The following TNIP3 variants were observed in gnomAD, a reference collection of about 807,000 sequenced individuals.
TNIP3 encodes TNFAIP3-interacting protein 3.
TNIP3 carries 34 observed loss-of-function variants against 54.1 expected under a neutral mutation model. The observed-to-expected ratio is 0.63, with a 90% CI of 0.48 to 0.84. The LOEUF (loss-of-function observed/expected upper bound fraction) is 0.84, where lower values mean the gene tolerates loss of function less well. TNIP3 is among the 40% of genes least tolerant of loss of function. The probability of loss-of-function intolerance (pLI) is 0.00; values close to 1 mark genes in which losing one functional copy is unlikely to be tolerated. For missense variants in TNIP3, 366 were observed against 387.6 expected, an observed-to-expected ratio of 0.94 and a Z score of 0.47; for synonymous variants, 134 against 136.8, an observed-to-expected ratio of 0.98 and a Z score of 0.14.
At chr4:121,222,628 C>T (rs2148854037) in intron 1 of TNIP3, among the ~76,000 whole-genome samples, 1 of 152,210 alleles carries the variant, frequency 6.6e-6, no homozygotes, top group East Asian at 1.9e-4. Context: ...AGATAGTAAG[C>T]TCCAAATAAA....
chr4:121,174,118 C>A (rs377491370), intron 3 of TNIP3, among the ~76,000 whole-genome samples: 3 of 152,134 alleles, frequency 2.0e-5, no homozygotes, highest in African/African-American at 7.2e-5. Context: ...ATCATTCCTG[C>A]CAAGGGGTTG....
At position 121,132,251 on chromosome 4, in the gene TNIP3, C is replaced by CAT. The variant is rs57489234; in HGVS notation, c.*378_*379dup. ...ACACACACACACACACACACACACACATATGCACTTTAAATCAACATACAA... is the reference window on the plus strand; with the variant it reads ...ACACACACACACACACACACACACACATATATGCACTTTAAATCAACATACAA... On this transcript the variant is annotated 3_prime_UTR_variant, in exon 11 of 11. Transcript: ENST00000057513. 1 of 204,654 alleles carries CAT rather than the reference C, an allele frequency of 4.9e-6. No individual in the cohort carries two copies. Among genetic ancestry groups the CAT allele is most frequent in the Non-Finnish European group, 9.8e-6 (1 of 102,164 alleles). The allele number at this position is 204,654 out of a possible 1,614,324, so 12.7% of individuals were successfully genotyped here.
At position 121,223,096 on chromosome 4, in the gene TNIP3, C is replaced by T. The variant is rs1489015423; in HGVS notation, c.3+4289G>A. The stretch of plus-strand genomic sequence containing the variant: ...CTGGGATTCCAGGCGCAAGCCACCG[C>T]GCCCAGCCAGGTGTGTTTGTTTTTA... On this transcript the variant is annotated intron_variant, in intron 1 of 12. Transcript: ENST00000509841. 3.3e-5 allele frequency among the ~76,000 whole-genome samples: 5 copies of T among 152,160 alleles called. No homozygotes were observed. In the South Asian group the frequency reaches 6.2e-4, roughly 19 times the overall value.
chr4:121,192,284 A>C (rs1276204922), intron 2 of TNIP3, among the ~76,000 whole-genome samples: 1 of 152,208 alleles, frequency 6.6e-6, no homozygotes, highest in East Asian at 1.9e-4. Context: ...TAAATTATTG[A>C]AGACATTCTT....
chr4:121,157,040 G>T (rs1730143736), intron 4 of TNIP3, 54 bp downstream of exon 4: 2 of 1,604,354 alleles, frequency 1.2e-6, no homozygotes, highest in South Asian at 1.1e-5. Context: ...AAATCCCCCC[G>T]CCCCTTTGCT....
At chr4:121,210,627 C>T (rs549443362) in intron 2 of TNIP3, among the ~76,000 whole-genome samples, 1 of 152,210 alleles carries the variant, frequency 6.6e-6, no homozygotes, top group East Asian at 1.9e-4. Context: ...GAGCAAGGTG[C>T]CAGCAGGTAG....
intron 3 of TNIP3, among the ~76,000 whole-genome samples, chr4:121,178,036 G>A (rs1170296302): frequency 6.6e-6 from 1 of 152,196 alleles, no homozygotes; most frequent in Admixed American, 6.5e-5. Flanking sequence ...TTAGCTCAAA[G>A]AGGAGGAGTT....
chr4:121,151,367 T>C (rs1407171112), intron 5 of TNIP3, among the ~76,000 whole-genome samples: 2 of 152,156 alleles, frequency 1.3e-5, no homozygotes, highest in Non-Finnish European at 2.9e-5. Context: ...AGCAAATGTG[T>C]GGTTTTGAGT....
At chr4:121,216,709 A>G (rs1186851403), upstream of TNIP3, 1 of 1,175,106 alleles carries the variant, frequency 8.5e-7, no homozygotes, top group Non-Finnish European at 1.1e-6. Flanking sequence ...AAGGTAAACC[A>G]CTGGGTGTAA....
At chr4:121,175,067 A>T (rs1408452388) in intron 3 of TNIP3, among the ~76,000 whole-genome samples, 1 of 152,238 alleles carries the variant, frequency 6.6e-6, no homozygotes, top group Admixed American at 6.5e-5. Flanking sequence ...CACATTTGCT[A>T]AACAACTCTT....
At chr4:121,201,662 T>C (rs1725894482) in intron 2 of TNIP3, among the ~76,000 whole-genome samples, 1 of 152,210 alleles carries the variant, frequency 6.6e-6, no homozygotes, top group Non-Finnish European at 1.5e-5. Context: ...AGAAGAGTTG[T>C]ATTCTAGATT....
At chr4:121,179,168 C>T (rs1372020238) in intron 3 of TNIP3, among the ~76,000 whole-genome samples, 1 of 152,104 alleles carries the variant, frequency 6.6e-6, no homozygotes, top group African/African-American at 2.4e-5. Context: ...TTGTTAAAGG[C>T]TTATGGGTAG....
chr4:121,216,359 C>T (rs1336875725), intron 2 of TNIP3: 2 of 1,388,814 alleles, frequency 1.4e-6, no homozygotes, highest in Non-Finnish European at 2.0e-6. Flanking sequence ...AGCAGAAGTG[C>T]TCTAATTAGA....
intron 3 of TNIP3, among the ~76,000 whole-genome samples, chr4:121,182,068 G>A (rs1038829827): frequency 6.6e-6 from 1 of 151,892 alleles, no homozygotes; most frequent in Admixed American, 6.6e-5. Flanking sequence ...AATCATGAAA[G>A]ATAGTTTTTA....
chr4:121,183,993 G>A (rs967722574), intron 2 of TNIP3, among the ~76,000 whole-genome samples: 22 of 152,168 alleles, frequency 1.4e-4, no homozygotes, highest in Non-Finnish European at 1.3e-4. Flanking sequence ...CCAGTCCATC[G>A]AAAAACTGTC....
chr4:121,222,229 G>C (rs555913118), intron 1 of TNIP3, among the ~76,000 whole-genome samples: 1 of 152,152 alleles, frequency 6.6e-6, no homozygotes, highest in African/African-American at 2.4e-5. Flanking sequence ...TCCATAGAAT[G>C]TTCCTTCATT....
chr4:121,176,514 TATGATGATGATGATG>T (rs70948383), intron 3 of TNIP3, among the ~76,000 whole-genome samples: 21 of 147,286 alleles, frequency 1.4e-4, no homozygotes, highest in African/African-American at 3.2e-4. Context: ...CTACTAGCAT[TATGATGATGATGATG>T]ATGATGATGA....
chr4:121,187,949 T>C (rs1725110400), intron 2 of TNIP3, among the ~76,000 whole-genome samples: 1 of 152,164 alleles, frequency 6.6e-6, no homozygotes, highest in African/African-American at 2.4e-5. Context: ...CTTTCCTTTT[T>C]TTTAACCATC....
intron 3 of TNIP3, among the ~76,000 whole-genome samples, chr4:121,169,778 G>A (rs1395152005): frequency 2.0e-5 from 3 of 152,192 alleles, no homozygotes; most frequent in Non-Finnish European, 4.4e-5. Flanking sequence ...AGGAGAATCG[G>A]GGAATGGGGT....
Sources: allele counts gnomAD v4.1 joint callset (sites outside exome capture counted in the v4.1 genomes callset), GRCh38; gene constraint gnomAD v4.1.1; transcripts MANE v1.5; gene names NCBI Gene and HGNC (gene_info 2026-07-23, HGNC 2026-07-21).